GNG4: variants seen among roughly 807,000 people sequenced by gnomAD.
GNG4 encodes guanine nucleotide-binding protein G(I)/G(S)/G(O) subunit gamma-4.
GNG4 carries 4 observed loss-of-function variants against 5.8 expected under a neutral mutation model. That is an observed-to-expected ratio of 0.69 (90% CI 0.34 to 1.57). The LOEUF is 1.57. Among genes scored for constraint, GNG4 ranks in the 40% most tolerant of loss-of-function variants. GNG4 has a pLI of 0.06. For missense variants in GNG4, 96 were observed against 95.1 expected, an observed-to-expected ratio of 1.01 and a Z score of -0.04; for synonymous variants, 29 against 32.9, an observed-to-expected ratio of 0.88 and a Z score of 0.41.
At chr1:235,599,154 T>A (rs1390693519) in intron 1 of GNG4, among the ~76,000 whole-genome samples, 1 of 152,164 alleles carries the variant, frequency 6.6e-6, no homozygotes, top group Non-Finnish European at 1.5e-5. Context: ...TCAACAGGAC[T>A]GGCTGGGACC....
intron 3 of GNG4, among the ~76,000 whole-genome samples, chr1:235,561,365 T>A (rs543108694): frequency 1.3e-5 from 2 of 152,086 alleles, no homozygotes; most frequent in South Asian, 4.2e-4. Context: ...TTTTAAGGGT[T>A]CTCTCTCTCT....
intron 1 of GNG4, among the ~76,000 whole-genome samples, chr1:235,617,098 AG>A (rs1688607440): frequency 6.6e-6 from 1 of 152,064 alleles, no homozygotes; most frequent in Non-Finnish European, 1.5e-5. Flanking sequence ...AAATACAGCC[AG>A]TGGTTTTAAC....
intron 1 of GNG4, chr1:235,615,630 TG>T: frequency 8.7e-6 from 2 of 230,702 alleles, no homozygotes. Context: ...CAGTGGTGTC[TG>T]GGGGCTTTTA....
chr1:235,636,236 C>T (rs569121214), intron 1 of GNG4, among the ~76,000 whole-genome samples: 30 of 152,274 alleles, frequency 2.0e-4, no homozygotes, highest in Non-Finnish European at 3.5e-4. Context: ...AGAATGAGGA[C>T]GATTACACAG....
In GNG4 at chr1:235,584,091, A is replaced by G. The variant is rs1400979270; in HGVS notation, c.-10-243T>C. Among the ~76,000 whole-genome samples, 5 of 152,156 alleles carry G rather than the reference A, an allele frequency of 3.3e-5. No individual in the cohort carries two copies. In the East Asian group the frequency reaches 9.6e-4, roughly 29 times the overall value. The stretch of plus-strand genomic sequence containing the variant: ...CCCGGGGACAGTGAGAAGAGAACAG[A>G]AGGTTCCAGAATGACTTTTCCATCA... On this transcript the variant is annotated intron_variant, in intron 2 of 3. Transcript: ENST00000391854.
At chr1:235,591,261 C>T (rs1558488241) in intron 2 of GNG4, among the ~76,000 whole-genome samples, 2 of 152,182 alleles carry the variant, frequency 1.3e-5, no homozygotes. Context: ...AGGATTTCAT[C>T]CCCCACACTT....
chr1:235,619,157 A>T (rs1162647315), intron 1 of GNG4, among the ~76,000 whole-genome samples: 48 of 106,294 alleles, frequency 4.5e-4, no homozygotes, highest in African/African-American at 2.0e-3. Flanking sequence ...AAAAAAAAAA[A>T]TTTATATATA....
At chr1:235,603,803 G>A (rs749280098) in intron 1 of GNG4, among the ~76,000 whole-genome samples, 25 of 152,176 alleles carry the variant, frequency 1.6e-4, no homozygotes, top group Non-Finnish European at 2.2e-4. Context: ...GGGTCCGAAC[G>A]ACGCTGGGGC....
At position 235,619,565 on chromosome 1, in the gene GNG4, G is replaced by A. The variant is rs1199902201; in HGVS notation, c.-122-24054C>T. Reference sequence around the variant, plus strand: ...TAGATTTGAGAATAGGCTGAAGAGGGAGGAAAACTTCAGTGATTGAGATTC... The same window carrying A: ...TAGATTTGAGAATAGGCTGAAGAGGAAGGAAAACTTCAGTGATTGAGATTC... On this transcript the variant is annotated intron_variant, in intron 1 of 3. Transcript: ENST00000391854. Among the ~76,000 whole-genome samples, 4 of 152,300 alleles carry A rather than the reference G, an allele frequency of 2.6e-5. No individual in the cohort carries two copies. In the East Asian group the frequency reaches 5.8e-4, roughly 22 times the overall value.
intron 3 of GNG4, among the ~76,000 whole-genome samples, chr1:235,574,539 A>AT (rs1269002159): frequency 6.6e-6 from 1 of 152,190 alleles, no homozygotes; most frequent in African/African-American, 2.4e-5. Flanking sequence ...AGTAAGCTCC[A>AT]TGCTTAGGTA....
chr1:235,597,567 T>G (rs1688151200), intron 1 of GNG4, among the ~76,000 whole-genome samples: 1 of 45,468 alleles, frequency 2.2e-5, no homozygotes, highest in Non-Finnish European at 6.0e-5. Context: ...TTTTAGTTTG[T>G]TTTTTTTTTT....
chr1:235,643,055 G>A (rs1319972775), intron 1 of GNG4, among the ~76,000 whole-genome samples: 3 of 152,104 alleles, frequency 2.0e-5, no homozygotes, highest in Admixed American at 6.5e-5. Flanking sequence ...ACCCTTGGGC[G>A]TTATCCAGTC....
chr1:235,579,277 C>T (rs942823687), intron 3 of GNG4, among the ~76,000 whole-genome samples: 2 of 152,008 alleles, frequency 1.3e-5, no homozygotes, highest in African/African-American at 4.8e-5. Context: ...AATGGCTTGA[C>T]TTAGCCATTC....
intron 3 of GNG4, among the ~76,000 whole-genome samples, chr1:235,574,520 A>T (rs1306229217): frequency 6.6e-6 from 1 of 152,234 alleles, no homozygotes; most frequent in African/African-American, 2.4e-5. Context: ...CTTTGTTGGA[A>T]GCGCTTTAAG....
chr1:235,614,379 C>T (rs1351185585), intron 1 of GNG4, among the ~76,000 whole-genome samples: 1 of 151,962 alleles, frequency 6.6e-6, no homozygotes, highest in Non-Finnish European at 1.5e-5. Flanking sequence ...TTTCTGTCCT[C>T]AATTTTACTG....
chr1:235,598,342 A>C (rs1390550732), intron 1 of GNG4, among the ~76,000 whole-genome samples: 1 of 152,140 alleles, frequency 6.6e-6, no homozygotes, highest in Admixed American at 6.5e-5. Flanking sequence ...GGGTGCAGTG[A>C]CTCACGTCTG....
intron 1 of GNG4, among the ~76,000 whole-genome samples, chr1:235,632,223 A>AT (rs1388336221): frequency 8.5e-5 from 13 of 152,092 alleles, no homozygotes; most frequent in Admixed American, 8.5e-4. Flanking sequence ...AGGAGCTGGG[A>AT]TTACAGGCAC....
chr1:235,588,227 CG>C (rs1558486985), intron 2 of GNG4, among the ~76,000 whole-genome samples: 2 of 151,268 alleles, frequency 1.3e-5, no homozygotes, highest in African/African-American at 2.4e-5. Context: ...CCTTGTTGTG[CG>C]CTGGAGATAA....
rs1657434639 is a variant in GNG4 at position 235,644,150 on chromosome 1, G to C, written c.-123+5512C>G. Among the ~76,000 whole-genome samples the C allele has an allele frequency of 6.6e-6, 1 of 152,198 alleles. No homozygotes were observed. Among genetic ancestry groups the C allele is most frequent in the South Asian group, 2.1e-4 (1 of 4,826 alleles). On this transcript the variant is annotated intron_variant, in intron 1 of 3. Coordinates refer to ENST00000391854, the MANE Select transcript of GNG4 (RefSeq NM_001098722.2). The surrounding 1 kb of genome is among the most constrained non-coding windows in gnomAD (Gnocchi z 5.9). The stretch of plus-strand genomic sequence containing the variant: ...TTCCAGAGACAGGGCTGGGTGGCGG[G>C]AACGCGGGCACCCAGAGGTCCAGAT...
Sources: allele counts gnomAD v4.1 joint callset (sites outside exome capture counted in the v4.1 genomes callset), GRCh38; gene constraint gnomAD v4.1.1; non-coding constraint Gnocchi (gnomAD v3.1); transcripts MANE v1.5; gene names NCBI Gene and HGNC (gene_info 2026-07-23, HGNC 2026-07-21).